Variants in ITIH3 observed in about 807,000 individuals in gnomAD.
ITIH3 encodes the protein inter-alpha-trypsin inhibitor heavy chain H3.
In ITIH3, 81 loss-of-function variants were observed where a neutral mutation model predicts 96.5. The observed-to-expected ratio is 0.84, with a 90% confidence interval of 0.70 to 1.01. ITIH3 has a LOEUF of 1.01. Among genes scored for constraint, ITIH3 ranks in the 50% least tolerant of loss-of-function variants. The pLI, the probability that ITIH3 is intolerant of heterozygous loss-of-function variation, is 0.00. For synonymous variants in ITIH3, 422 were observed against 445.2 expected, an observed-to-expected ratio of 0.95 and a Z score of 0.66; for missense variants, 1,057 against 1,139.3, an observed-to-expected ratio of 0.93 and a Z score of 1.04.
At chr3:52,806,808 G>A in intron 18 of ITIH3, 93 bp from the exon 19 acceptor site, 2 of 1,002,112 alleles carry the variant, frequency 2.0e-6, no homozygotes, top group Non-Finnish European at 3.1e-6. Flanking sequence ...CTGCCCCTCA[G>A]CCAGTCTGGT....
intron 14 of ITIH3, chr3:52,804,525 C>A: frequency 1.7e-6 from 1 of 585,120 alleles, no homozygotes; most frequent in East Asian, 3.0e-5. Context: ...ACATGGGAGG[C>A]AAAGAGCTGG....
intron 15 of ITIH3, 102 bp downstream of exon 15, chr3:52,804,836 A>C: frequency 7.8e-7 from 1 of 1,282,108 alleles, no homozygotes; most frequent in Non-Finnish European, 1.1e-6. Context: ...CCATGGGGGC[A>C]CACTTGGGAC....
intron 21 of ITIH3, 120 bp from the exon 22 acceptor site, chr3:52,808,432 A>G: frequency 7.1e-7 from 1 of 1,401,180 alleles, no homozygotes; most frequent in Non-Finnish European, 1.0e-6. Context: ...TTCATTCTTG[A>G]CCAAAGAATT....
intron 11 of ITIH3, among the ~76,000 whole-genome samples, chr3:52,801,701 A>T (rs1017325579): frequency 5.3e-5 from 8 of 152,198 alleles, no homozygotes; most frequent in African/African-American, 1.9e-4. Flanking sequence ...GACATCAATC[A>T]TATTGGATTA....
At position 52,806,981 on chromosome 3, in the gene ITIH3, CTG is replaced by C; in HGVS notation, c.2138_2139del (p.Leu713ArgfsTer77). On this transcript the variant is annotated frameshift_variant, in exon 19 of 22. Transcript: ENST00000449956. LOFTEE classifies it high-confidence loss of function. ...SKTRKTYFGK[L>X]GIANAQMDFQ... ...GACCAGAAAGACTTACTTTGGAAAA[CTG>C]GGCATCGCCAATGCTCAGATGGACT... 1 of 1,596,124 alleles carries C rather than the reference CTG, an allele frequency of 6.3e-7. No individual in the cohort carries two copies. The highest frequency in any genetic ancestry group is 8.5e-7 in the Non-Finnish European group (1 of 1,171,444).
At position 52,807,749 on chromosome 3, in the gene ITIH3, T is replaced by C; in HGVS notation, c.2264T>C (p.Leu755Pro). 1 of 1,609,374 alleles carries C rather than the reference T, an allele frequency of 6.2e-7. No homozygotes were observed. Among genetic ancestry groups the C allele is most frequent in the Non-Finnish European group, 8.5e-7 (1 of 1,177,964 alleles). The change falls in exon 20 of 22, where the codon CTG becomes CCG. Residue 755 changes from leucine (L) to proline (P), a missense_variant and splice_region_variant. Physicochemically the swap from Leu to Pro is moderately conservative, Grantham distance 98 (BLOSUM62 -3). Coordinates refer to ENST00000449956, the MANE Select transcript of ITIH3 (RefSeq NM_002217.4). ...LDTVTVTQDG[L>P]SMMINRKNMV... ...CACTTTCTGGCTTCCTCTCGTAGGCTGTCCATGATGATCAACAGGAAGAAC... is the reference window on the plus strand; with the variant it reads ...CACTTTCTGGCTTCCTCTCGTAGGCCGTCCATGATGATCAACAGGAAGAAC...
In ITIH3 at chr3:52,808,102, C is replaced by A; in HGVS notation, c.2432-8C>A. On this transcript the variant is annotated splice_region_variant and splice_polypyrimidine_tract_variant and intron_variant, in intron 20 of 21. Coordinates refer to ENST00000449956, the MANE Select transcript of ITIH3 (RefSeq NM_002217.4). ...AGGGGCTGACAGCATGAATATTTTT[C>A]TTCCCAGGGCAATTCTTCCAACCCT... The A allele has an allele frequency of 1.2e-6, 2 of 1,613,386 alleles. No homozygotes were observed. The highest frequency in any genetic ancestry group is 2.2e-5 in the South Asian group (2 of 91,054).
Position 52,800,062 on chromosome 3 carries a change from T to C in ITIH3, c.1075+141T>C, listed in dbSNP as rs570515619. ...CTGGGGTAGAGGTGGGAGTGGATGG[T>C]CCTCAGGCTTGAAGACAGAATATCG... On this transcript the variant is annotated intron_variant, in intron 9 of 21. Coordinates refer to ENST00000449956, the MANE Select transcript of ITIH3 (RefSeq NM_002217.4). 589 of 730,606 alleles carry C rather than the reference T, an allele frequency of 8.1e-4. 2 individuals carry two copies. Among genetic ancestry groups the C allele is most frequent in the Non-Finnish European group, 1.2e-3 (537 of 455,540 alleles). 45.3% of individuals were successfully genotyped at this position (730,606 alleles called of 1,614,324 possible).
rs762947836 is a variant in ITIH3 at position 52,805,799 on chromosome 3, G to A, written c.1874-9G>A. ...AGACCCTGCTCACCACTGCCCTTCG[G>A]CTTTTCAGCCACACCGGTGAGCCCC... On this transcript the variant is annotated splice_polypyrimidine_tract_variant and intron_variant, in intron 15 of 21. Transcript: ENST00000449956. The A allele has an allele frequency of 6.2e-7, 1 of 1,613,770 alleles. No individual in the cohort carries two copies. Among genetic ancestry groups the A allele is most frequent in the Non-Finnish European group, 8.5e-7 (1 of 1,179,776 alleles).
chr3:52,796,057 G>A (rs1699567955), intron 2 of ITIH3: 1 of 231,178 alleles, frequency 4.3e-6, no homozygotes, highest in South Asian at 9.6e-5. Flanking sequence ...GTTCCTCTTT[G>A]GGAGACAGAA....
At chr3:52,796,363 G>T in intron 2 of ITIH3, 118 bp from the exon 3 acceptor site, 3 of 802,396 alleles carry the variant, frequency 3.7e-6, no homozygotes, top group Non-Finnish European at 6.0e-6. Context: ...GGAGGATGAG[G>T]GTTGCGTGCC....
intron 16 of ITIH3, 97 bp downstream of exon 16, chr3:52,805,937 T>A: frequency 1.3e-6 from 2 of 1,551,088 alleles, no homozygotes; most frequent in Non-Finnish European, 1.8e-6. Flanking sequence ...CTCTCCGGGA[T>A]GGGCAGATGG....
intron 13 of ITIH3, 50 bp downstream of exon 13, chr3:52,802,856 A>G (rs1251921149): frequency 1.9e-5 from 30 of 1,603,000 alleles, no homozygotes; most frequent in East Asian, 4.5e-5. Flanking sequence ...CTGGGCTCCA[A>G]TGCAAGGGCA....
At chr3:52,799,185 G>A (rs1364144263) in intron 7 of ITIH3, 94 bp downstream of exon 7, 2 of 1,479,286 alleles carry the variant, frequency 1.4e-6, no homozygotes, top group Non-Finnish European at 9.3e-7. Flanking sequence ...TGGGTCCTCA[G>A]CCCAAGGCTG....
intron 5 of ITIH3, 106 bp downstream of exon 5, chr3:52,797,373 C>A: frequency 8.6e-7 from 1 of 1,159,238 alleles, no homozygotes; most frequent in Non-Finnish European, 1.2e-6. Context: ...TGCCTCACGG[C>A]ATCCCCCATC....
chr3:52,797,900 C>G lies in ITIH3; in HGVS notation c.633C>G (p.Ser211Arg). 1 of 1,605,946 alleles carries G rather than the reference C, an allele frequency of 6.2e-7. No individual in the cohort carries two copies. The change falls in exon 6 of 22, where the codon AGC (serine) becomes AGG (arginine). Residue 211 changes from serine to arginine, a missense_variant. Coordinates refer to ENST00000449956, the MANE Select transcript of ITIH3 (RefSeq NM_002217.4). ...ASFITNDLLG[S>R]ALTKSFSGKK... ...TCATCACCAACGACCTCCTGGGAAG[C>G]GCCCTCACCAAGTCCTTCTCAGGGA...
chr3:52,802,648 C>T lies in ITIH3; in HGVS notation c.1570-19C>T, dbSNP rs1699880077. ...CACCCAAGCCTCCAGCCCCTTGCCT[C>T]CTTCTACCCCCACCCTAGGCCACCA... On this transcript the variant is annotated intron_variant, in intron 12 of 21. Coordinates refer to ENST00000449956, the MANE Select transcript of ITIH3 (RefSeq NM_002217.4). 1.2e-6 allele frequency: 2 copies of T among 1,613,704 alleles called. No individual in the cohort carries two copies. The highest frequency in any genetic ancestry group is 1.7e-6 in the Non-Finnish European group (2 of 1,179,862).
rs551954367 is a variant in ITIH3, at chr3:52,802,758, T to C, written c.1661T>C (p.Ile554Thr). The stretch of plus-strand genomic sequence containing the variant: ...CGGGACTACATCTTCGGGAATTACA[T>C]TGAGCGGCTCTGGGCCTACCTCACC... ...QERDYIFGNY[I>T]ERLWAYLTIE... Residue 554 changes from isoleucine (I) to threonine (T), a missense_variant, in exon 13 of 22, where the codon ATT becomes ACT. Ile to Thr is a moderately conservative substitution (Grantham distance 89). Coordinates refer to ENST00000449956, the MANE Select transcript of ITIH3 (RefSeq NM_002217.4). 1.2e-5 allele frequency: 20 copies of C among 1,613,978 alleles called. No homozygotes were observed. Among genetic ancestry groups the C allele is most frequent in the African/African-American group, 1.1e-4 (8 of 75,052 alleles).
At chr3:52,805,092 G>A (rs566414700) in intron 15 of ITIH3, 15 of 264,298 alleles carry the variant, frequency 5.7e-5, no homozygotes, top group Middle Eastern at 1.4e-3. Flanking sequence ...ATTGAGGCAC[G>A]GGGGGTTAAT....
Sources: gnomAD v4.1 joint callset for allele counts (sites outside exome capture counted in the v4.1 genomes callset) on GRCh38, gnomAD v4.1.1 for gene constraint, MANE v1.5 for transcripts, NCBI Gene and HGNC (gene_info 2026-07-23, HGNC 2026-07-21) for gene names.